SPAG16: variants seen among roughly 807,000 people sequenced by gnomAD.
The protein encoded by SPAG16 is sperm-associated antigen 16 protein.
A neutral mutation model predicts 80.4 loss-of-function variants in SPAG16; 86 were observed. That is an observed-to-expected ratio of 1.07 (90% CI 0.90 to 1.28). The LOEUF is 1.28. SPAG16 is among the 50% of genes most tolerant of loss of function. The pLI is 0.00. For missense variants in SPAG16, 870 were observed against 765.3 expected (o/e 1.14, Z -1.61); for synonymous variants, 294 against 265.9 (o/e 1.11, Z -1.03).
intron 10 of SPAG16, among the ~76,000 whole-genome samples, chr2:213,798,554 C>T (rs1443676789): frequency 2.0e-5 from 3 of 152,076 alleles, no homozygotes; most frequent in Non-Finnish European, 2.9e-5. Context: ...CTGCACCCGG[C>T]CTCTGTGGAA....
At chr2:214,176,280 TA>T (rs950662948) in intron 15 of SPAG16, among the ~76,000 whole-genome samples, 13 of 149,792 alleles carry the variant, frequency 8.7e-5, no homozygotes, top group Middle Eastern at 3.4e-3. Context: ...CTTCTTTTTT[TA>T]AAAAAAAAAC....
intron 4 of SPAG16, 29 bp downstream of exon 4, chr2:213,310,206 C>G: frequency 7.0e-7 from 1 of 1,434,240 alleles, no homozygotes; most frequent in Non-Finnish European, 9.7e-7. Flanking sequence ...AAATAGTTCT[C>G]TTAAAATTCT....
intron 13 of SPAG16, among the ~76,000 whole-genome samples, chr2:214,051,207 T>G (rs1419798430): frequency 6.6e-6 from 1 of 152,242 alleles, no homozygotes; most frequent in Non-Finnish European, 1.5e-5. Context: ...CTGCTAATGC[T>G]AGTGTTTTAC....
chr2:214,085,602 C>A (rs2051688071), intron 13 of SPAG16, among the ~76,000 whole-genome samples: 1 of 152,082 alleles, frequency 6.6e-6, no homozygotes, highest in Non-Finnish European at 1.5e-5. Flanking sequence ...TTTACACTGC[C>A]TTTAAAAATT....
At chr2:214,257,187 ACTG>A (rs1238712382) in intron 15 of SPAG16, among the ~76,000 whole-genome samples, 1 of 151,872 alleles carries the variant, frequency 6.6e-6, no homozygotes, top group East Asian at 1.9e-4. Context: ...TAATTTTTGA[ACTG>A]CTGCTAGTAT....
chr2:213,608,401 C>T (rs1171096873), intron 10 of SPAG16, among the ~76,000 whole-genome samples: 2 of 152,134 alleles, frequency 1.3e-5, no homozygotes, highest in East Asian at 1.9e-4. Context: ...TCAATTCCCA[C>T]CTATGAGTGA....
At chr2:214,099,665 G>A (rs1375924074) in intron 13 of SPAG16, among the ~76,000 whole-genome samples, 1 of 152,072 alleles carries the variant, frequency 6.6e-6, no homozygotes, top group Admixed American at 6.6e-5. Context: ...ATTTATGGTA[G>A]TTGCCTCTGG....
At chr2:214,109,538 A>G (rs1161471712) in intron 14 of SPAG16, among the ~76,000 whole-genome samples, 1 of 152,202 alleles carries the variant, frequency 6.6e-6, no homozygotes, top group East Asian at 1.9e-4. Flanking sequence ...AAATTCTGTT[A>G]CCATCCTGCT....
intron 15 of SPAG16, among the ~76,000 whole-genome samples, chr2:214,229,399 T>C (rs1462279363): frequency 6.6e-6 from 1 of 151,784 alleles, no homozygotes; most frequent in Non-Finnish European, 1.5e-5. Context: ...TATCCTGCCA[T>C]TTGTTATCTA....
At chr2:214,317,529 T>A (rs1695775561) in intron 15 of SPAG16, among the ~76,000 whole-genome samples, 1 of 152,218 alleles carries the variant, frequency 6.6e-6, no homozygotes, top group East Asian at 1.9e-4. Context: ...ATACTTTGGA[T>A]GCTTTAGACT....
At chr2:213,868,992 C>G (rs1225313836) in intron 11 of SPAG16, among the ~76,000 whole-genome samples, 1 of 151,836 alleles carries the variant, frequency 6.6e-6, no homozygotes, top group Admixed American at 6.6e-5. Flanking sequence ...TGGCTCACAC[C>G]TGTAATCCCA....
intron 10 of SPAG16, among the ~76,000 whole-genome samples, chr2:213,635,148 C>T (rs2062311984): frequency 6.6e-6 from 1 of 151,872 alleles, no homozygotes; most frequent in South Asian, 2.1e-4. Context: ...CATTCTCCTG[C>T]CTCAGCCTCC....
chr2:213,963,704 T>C (rs1329423155), intron 12 of SPAG16, among the ~76,000 whole-genome samples: 1 of 152,130 alleles, frequency 6.6e-6, no homozygotes, highest in African/African-American at 2.4e-5. Context: ...GTCTTTCAGG[T>C]TTATTTTATG....
intron 12 of SPAG16, among the ~76,000 whole-genome samples, chr2:213,948,922 T>G (rs1404299868): frequency 6.6e-6 from 1 of 152,168 alleles, no homozygotes; most frequent in Non-Finnish European, 1.5e-5. Context: ...GTGCTTGAAC[T>G]TAACTAAATA....
At chr2:213,912,497 A>G (rs2077721260) in intron 11 of SPAG16, among the ~76,000 whole-genome samples, 1 of 152,176 alleles carries the variant, frequency 6.6e-6, no homozygotes, top group Admixed American at 6.6e-5. Flanking sequence ...TGGCTCTTCA[A>G]AATATTTCTT....
intron 5 of SPAG16, among the ~76,000 whole-genome samples, chr2:213,325,308 G>A (rs1336240914): frequency 6.6e-6 from 1 of 151,940 alleles, no homozygotes; most frequent in Non-Finnish European, 1.5e-5. Flanking sequence ...ATAGGTCACA[G>A]AGATATTCTG....
At chr2:214,206,144 C>T (rs1226873159) in intron 15 of SPAG16, among the ~76,000 whole-genome samples, 2 of 152,136 alleles carry the variant, frequency 1.3e-5, no homozygotes, top group Middle Eastern at 3.4e-3. Context: ...TGCAGTGAGC[C>T]GAGATTGCAC....
At chr2:213,919,073 C>CT (rs1431709052) in intron 11 of SPAG16, among the ~76,000 whole-genome samples, 1 of 151,962 alleles carries the variant, frequency 6.6e-6, no homozygotes, top group African/African-American at 2.4e-5. Context: ...CTCTTATTTA[C>CT]TTTTTCAAAT....
chr2:213,871,321 C>CT (rs762180999), intron 11 of SPAG16, among the ~76,000 whole-genome samples: 25 of 151,916 alleles, frequency 1.6e-4, no homozygotes, highest in Non-Finnish European at 3.4e-4. Flanking sequence ...TTAAAATCCA[C>CT]TTTTTTGGAA....
Sources: allele counts gnomAD v4.1 joint callset (sites outside exome capture counted in the v4.1 genomes callset), GRCh38; gene constraint gnomAD v4.1.1; transcripts MANE v1.5; gene names NCBI Gene and HGNC (gene_info 2026-07-23, HGNC 2026-07-21).